VPS33B: variants seen among roughly 807,000 people sequenced by gnomAD.
The protein encoded by VPS33B is vacuolar protein sorting-associated protein 33B.
In VPS33B, 80 loss-of-function variants were observed where a neutral mutation model predicts 95.3. The observed-to-expected ratio is 0.84, with a 90% CI of 0.70 to 1.01. The LOEUF is 1.01. VPS33B is among the 50% of genes least tolerant of loss of function. The probability of loss-of-function intolerance (pLI) is 0.00; values close to 1 mark genes in which losing one functional copy is unlikely to be tolerated. For synonymous variants in VPS33B, 280 were observed against 280.4 expected (o/e 1.00, Z 0.01); for missense variants, 715 against 773.4 (o/e 0.92, Z 0.90).
At position 91,017,861 on chromosome 15, in the gene VPS33B, T is replaced by G. The variant is rs781312336; in HGVS notation, c.121A>C (p.Ile41Leu). 2 of 1,614,164 alleles carry G rather than the reference T, an allele frequency of 1.2e-6. No homozygotes were observed. The highest frequency in any genetic ancestry group is 1.7e-5 in the Admixed American group (1 of 60,028). The change falls in exon 2 of 23, where the codon ATT becomes CTT. Residue 41 changes from isoleucine to leucine, a missense_variant. Ile to Leu is a conservative substitution (Grantham distance 5). Transcript: ENST00000333371. ...EQLPGKKDLF[I>L]EADLMSPLDR... is the part of the protein sequence containing the mutation. The stretch of plus-strand genomic sequence containing the variant: ...AAAGGGCTCATGAGATCTGCCTCAA[T>G]GAATAAATCCTTTTTTCCAGGAAGC...
In VPS33B at chr15:91,001,482, C is replaced by A; in HGVS notation, c.1406-20G>T. On this transcript the variant is annotated intron_variant, in intron 18 of 22. Transcript: ENST00000333371. ...TCTTTCCTGGGGAAGAAATCTGTGTCAGGTTTCACCTAAGGTCTATGGATT... is the reference window on the plus strand; with the variant it reads ...TCTTTCCTGGGGAAGAAATCTGTGTAAGGTTTCACCTAAGGTCTATGGATT... The A allele has an allele frequency of 6.2e-7, 1 of 1,606,992 alleles. No individual in the cohort carries two copies. The highest frequency in any genetic ancestry group is 1.1e-5 in the South Asian group (1 of 90,926).
In VPS33B at chr15:91,006,993, C is replaced by G; in HGVS notation, c.657G>C (p.Lys219Asn). Residue 219 changes from lysine (K) to asparagine (N), a missense_variant, in exon 9 of 23, where the codon AAG (lysine) becomes AAC (asparagine). By Grantham distance (94) the Lys-to-Asn change is moderately conservative. Coordinates refer to ENST00000333371, the MANE Select transcript of VPS33B (RefSeq NM_018668.5). This position sits in a 1 kb window ranked among gnomAD's most constrained non-coding sequence, Gnocchi z 5.4. ...TATGTCCAATCTCTGGCCTTCGGCC[C>G]TTGGTTTCGCCATCCTCCTCCTCCT... ...NLEEEEDGETKGRRPEIGHIF... is the reference protein window; with the variant it reads ...NLEEEEDGETNGRRPEIGHIF... The G allele has an allele frequency of 5.0e-6, 8 of 1,614,054 alleles. No homozygotes were observed. The highest frequency in any genetic ancestry group is 6.8e-6 in the Non-Finnish European group (8 of 1,180,038).
chr15:91,004,324 C>T (rs2040534795), intron 16 of VPS33B, among the ~76,000 whole-genome samples: 1 of 151,838 alleles, frequency 6.6e-6, no homozygotes, highest in African/African-American at 2.4e-5. Flanking sequence ...GAAGGTTGCA[C>T]AATCTGGAAT....
intron 1 of VPS33B, among the ~76,000 whole-genome samples, chr15:91,020,599 A>G (rs1867225): frequency 0.55 from 83,738 of 152,046 alleles, 25,986 homozygotes; most frequent in East Asian, 0.99. Context: ...AAGAGAAAGA[A>G]GCCGGGAGTG....
Position 91,007,872 on chromosome 15 carries a change from G to C in VPS33B, c.496C>G (p.Leu166Val). 2 of 1,614,168 alleles carry C rather than the reference G, an allele frequency of 1.2e-6. No homozygotes were observed. The highest frequency in any genetic ancestry group is 1.7e-6 in the Non-Finnish European group (2 of 1,180,008). ...ELPEFFRDYF[L>V]EGDQRWINTV... The stretch of plus-strand genomic sequence containing the variant: ...GACACAAGGGCCTCTGCATTTACCA[G>C]AAAGTAATCCCTGAAAAATTCTGGT... Residue 166 changes from leucine to valine, a missense_variant and splice_region_variant, in exon 7 of 23, where the codon CTG becomes GTG. Transcript: ENST00000333371. The surrounding 1 kb of genome is among the most constrained non-coding windows in gnomAD (Gnocchi z 5.3).
At chr15:91,003,373 A>G (rs1029252126) in intron 16 of VPS33B, among the ~76,000 whole-genome samples, 1 of 152,192 alleles carries the variant, frequency 6.6e-6, no homozygotes, top group African/African-American at 2.4e-5. Flanking sequence ...CACTGGAACT[A>G]ACGGTGATCG....
In VPS33B at chr15:91,010,498, G is replaced by A. The variant is rs2040750912; in HGVS notation, c.358-652C>T. Among the ~76,000 whole-genome samples, 1 of 152,198 alleles carries A rather than the reference G, an allele frequency of 6.6e-6. No individual in the cohort carries two copies. The highest frequency in any genetic ancestry group is 1.5e-5 in the Non-Finnish European group (1 of 68,038). ...GTGCCTGTAGTCCAGTTACTCAGGA[G>A]GCTGAGGTGGGAGGATCACTTGAGC... On this transcript the variant is annotated intron_variant, in intron 5 of 22. Transcript: ENST00000333371. The surrounding 1 kb of genome is among the most constrained non-coding windows in gnomAD (Gnocchi z 5.7).
Position 91,005,231 on chromosome 15 carries a change from G to T in VPS33B, c.1106-112C>A. On this transcript the variant is annotated intron_variant, in intron 14 of 22. Transcript: ENST00000333371. The surrounding 1 kb of genome is among the most constrained non-coding windows in gnomAD (Gnocchi z 6.4). ...TTCTCCATCCTTGGGGTGGGTTAAG[G>T]GACCCCCAGGACTTCTAGCAGGAAC... 6.2e-7 allele frequency: 1 copy of T among 1,611,388 alleles called. No individual in the cohort carries two copies. The highest frequency in any genetic ancestry group is 8.5e-7 in the Non-Finnish European group (1 of 1,179,412).
Position 91,006,781 on chromosome 15 carries a change from A to G in VPS33B, c.701-52T>C. ...GGTTCTCCCTGACCCAGCCTTCTAC[A>G]CAGCATGTCCAAGGGCAGCTTTGAT... On this transcript the variant is annotated intron_variant, in intron 9 of 22. Transcript: ENST00000333371. The surrounding 1 kb of genome is among the most constrained non-coding windows in gnomAD (Gnocchi z 5.4). The G allele has an allele frequency of 6.2e-7, 1 of 1,608,896 alleles. No homozygotes were observed. Among genetic ancestry groups the G allele is most frequent in the Non-Finnish European group, 8.5e-7 (1 of 1,175,280 alleles).
Position 91,000,389 on chromosome 15 carries a change from T to C in VPS33B, c.1581+101A>G, listed in dbSNP as rs1288441606. The C allele has an allele frequency of 7.2e-6, 8 of 1,107,966 alleles. No individual in the cohort carries two copies. The South Asian group carries it at 9.5e-5, about 13-fold the overall frequency. 68.6% of individuals were successfully genotyped at this position (1,107,966 alleles called of 1,614,324 possible). A position where few individuals can be genotyped will look rare whatever the true frequency, so the allele number is the denominator to read the frequency against. ...TCCAGCCTGGGTGACAGAGCAAGACTCCATCTCAAATAAAAAAAAAAAAAC... is the reference window on the plus strand; with the variant it reads ...TCCAGCCTGGGTGACAGAGCAAGACCCCATCTCAAATAAAAAAAAAAAAAC... On this transcript the variant is annotated intron_variant, in intron 20 of 22. Transcript: ENST00000333371. The surrounding 1 kb of genome is among the most constrained non-coding windows in gnomAD (Gnocchi z 4.9).
At position 91,014,436 on chromosome 15, in the gene VPS33B, A is replaced by G. The variant is rs746720527; in HGVS notation, c.240-3T>C. ...GGGGTCTGACCAAGAAGCACAATCT[A>G]TGAGAGAGAAAGAAAAAAAAACAGT... On this transcript the variant is annotated splice_region_variant and splice_polypyrimidine_tract_variant and intron_variant, in intron 3 of 22. Coordinates refer to ENST00000333371, the MANE Select transcript of VPS33B (RefSeq NM_018668.5). 6.2e-6 allele frequency: 10 copies of G among 1,611,910 alleles called. No individual in the cohort carries two copies. In the East Asian group the frequency reaches 2.2e-4, roughly 36 times the overall value.
chr15:91,003,690 G>C (rs1038080025), intron 16 of VPS33B, among the ~76,000 whole-genome samples: 25 of 151,984 alleles, frequency 1.6e-4, no homozygotes, highest in Admixed American at 6.6e-5. Context: ...CGCCTGCCTT[G>C]GCCTCCCAAA....
chr15:91,015,042 A>G lies in VPS33B; in HGVS notation c.240-609T>C, dbSNP rs552143891. ...ATGGTGAAACCCCGTCTCTACTAAA[A>G]ATACAAACATTGGCTGGGCATGGTG... On this transcript the variant is annotated intron_variant, in intron 3 of 22. Transcript: ENST00000333371. The surrounding 1 kb of genome is among the most constrained non-coding windows in gnomAD (Gnocchi z 4.7). Among the ~76,000 whole-genome samples, 9 of 146,528 alleles carry G rather than the reference A, an allele frequency of 6.1e-5. No individual in the cohort carries two copies. Among genetic ancestry groups the G allele is most frequent in the African/African-American group, 2.3e-4 (9 of 39,048 alleles).
intron 19 of VPS33B, 35 bp downstream of exon 19, chr15:91,001,354 C>T: frequency 1.5e-5 from 22 of 1,511,686 alleles, no homozygotes; most frequent in Non-Finnish European, 2.0e-5. Flanking sequence ...TGGAATGAAC[C>T]CACTGTCTCC....
rs1210633791 is a variant in VPS33B at position 91,009,431 on chromosome 15, C to T, written c.403+370G>A. On this transcript the variant is annotated intron_variant, in intron 6 of 22. Coordinates refer to ENST00000333371, the MANE Select transcript of VPS33B (RefSeq NM_018668.5). The surrounding 1 kb of genome is among the most constrained non-coding windows in gnomAD (Gnocchi z 4.1). ...AAGCAATTCTTCTGCCTCAGCCTCC[C>T]GAGTAGCTGGGATTACAAGCGTGCG... Among the ~76,000 whole-genome samples, 8 of 151,986 alleles carry T rather than the reference C, an allele frequency of 5.3e-5. No individual in the cohort carries two copies. The highest frequency in any genetic ancestry group is 9.7e-5 in the African/African-American group (4 of 41,376).
chr15:91,012,345 G>A (rs2040807246), intron 5 of VPS33B, among the ~76,000 whole-genome samples: 1 of 152,036 alleles, frequency 6.6e-6, no homozygotes, highest in South Asian at 2.1e-4. Context: ...ATAAGCCTAG[G>A]GTCCCACTTG....
In VPS33B at chr15:91,005,599, G is replaced by A. The variant is rs906197565; in HGVS notation, c.1030+95C>T. The A allele has an allele frequency of 2.5e-6, 4 of 1,577,834 alleles. No homozygotes were observed. The highest frequency in any genetic ancestry group is 3.5e-6 in the Non-Finnish European group (4 of 1,147,036). The stretch of plus-strand genomic sequence containing the variant: ...CCAAGTAAGACCATATGCATCAGAT[G>A]AACAGGGATCTCCTCCTCGGGAGTA... On this transcript the variant is annotated intron_variant, in intron 13 of 22. Transcript: ENST00000333371. This position sits in a 1 kb window ranked among gnomAD's most constrained non-coding sequence, Gnocchi z 6.4.
chr15:91,020,688 C>G lies in VPS33B; in HGVS notation c.96+1466G>C, dbSNP rs534599630. ...CTGAGGTCAGGAGTTTGAGACCAGC[C>G]TGGCCAACATGGTGAAACCCTATCT... On this transcript the variant is annotated intron_variant, in intron 1 of 22. Transcript: ENST00000333371. Among the ~76,000 whole-genome samples the G allele has an allele frequency of 3.3e-5, 5 of 152,240 alleles. No homozygotes were observed. The East Asian group carries it at 9.7e-4, about 29-fold the overall frequency.
chr15:91,008,091 C>T (rs992407822), intron 6 of VPS33B, 127 bp from the exon 7 acceptor site: 2 of 834,776 alleles, frequency 2.4e-6, no homozygotes, highest in African/African-American at 3.3e-5. Flanking sequence ...GCCAGTACTG[C>T]ATTAAGCAAT....
Sources: gnomAD v4.1 joint callset for allele counts (sites outside exome capture counted in the v4.1 genomes callset) on GRCh38, gnomAD v4.1.1 for gene constraint, Gnocchi (gnomAD v3.1) non-coding constraint, MANE v1.5 for transcripts, NCBI Gene and HGNC (gene_info 2026-07-23, HGNC 2026-07-21) for gene names.